SKAP2: variants seen among roughly 807,000 people sequenced by gnomAD.
SKAP2 encodes the protein src kinase associated phosphoprotein 2.
In SKAP2, 28 loss-of-function variants were observed where a neutral mutation model predicts 54.9. The ratio of observed to expected loss-of-function variants is 0.51; its 90% confidence interval spans 0.38 to 0.70. SKAP2 has a LOEUF of 0.70. Among genes scored for constraint, SKAP2 ranks in the 30% least tolerant of loss-of-function variants. The pLI, the probability that SKAP2 is intolerant of heterozygous loss-of-function variation, is 0.00. For synonymous variants in SKAP2, 137 were observed against 134.3 expected (o/e 1.02, Z -0.14); for missense variants, 356 against 424.1 (o/e 0.84, Z 1.41).
At chr7:26,714,504 C>T (rs1270404474) in intron 9 of SKAP2, among the ~76,000 whole-genome samples, 1 of 152,062 alleles carries the variant, frequency 6.6e-6, no homozygotes, top group Non-Finnish European at 1.5e-5. Context: ...TGGATTTTTT[C>T]CCATTTTGTT....
At chr7:26,815,544 C>T (rs1784248150) in intron 4 of SKAP2, among the ~76,000 whole-genome samples, 1 of 152,062 alleles carries the variant, frequency 6.6e-6, no homozygotes, top group Non-Finnish European at 1.5e-5. Context: ...CAGTAACAGC[C>T]ACAAAGAACC....
intron 11 of SKAP2, among the ~76,000 whole-genome samples, chr7:26,681,807 T>A (rs1264991773): frequency 1.3e-5 from 2 of 152,260 alleles, no homozygotes; most frequent in Non-Finnish European, 2.9e-5. Flanking sequence ...TTAAAATGTA[T>A]TCTTCCTTAT....
chr7:26,737,264 G>A (rs1270379073), intron 6 of SKAP2, among the ~76,000 whole-genome samples: 1 of 152,096 alleles, frequency 6.6e-6, no homozygotes, highest in Non-Finnish European at 1.5e-5. Flanking sequence ...TGTGATAATC[G>A]TAACTGAACT....
At chr7:26,684,896 C>A (rs767418751) in intron 10 of SKAP2, 48 bp from the exon 11 acceptor site, 3 of 1,047,570 alleles carry the variant, frequency 2.9e-6, no homozygotes, top group Non-Finnish European at 4.4e-6. Flanking sequence ...CATGTAATAA[C>A]CCCTCATTTC....
At chr7:26,732,742 T>G (rs1428942085) in intron 6 of SKAP2, among the ~76,000 whole-genome samples, 3 of 152,198 alleles carry the variant, frequency 2.0e-5, no homozygotes, top group African/African-American at 7.2e-5. Context: ...ACATTCTCCT[T>G]TGGTTTATAC....
intron 3 of SKAP2, among the ~76,000 whole-genome samples, chr7:26,851,312 A>G (rs1785036723): frequency 6.6e-6 from 1 of 151,124 alleles, no homozygotes; most frequent in Non-Finnish European, 1.5e-5. Flanking sequence ...CTATAGTTCC[A>G]TCTACTATAT....
Position 26,748,916 on chromosome 7 carries a change from C to T in SKAP2, c.308-8952G>A, listed in dbSNP as rs112751838. On this transcript the variant is annotated intron_variant, in intron 4 of 12. Transcript: ENST00000345317. Reference sequence around the variant, plus strand: ...ACCAGCTCTGTGACTTAGCAAGTCACTTGATTTCATTAAGCTTTAGTTTTC... The same window carrying T: ...ACCAGCTCTGTGACTTAGCAAGTCATTTGATTTCATTAAGCTTTAGTTTTC... Among the ~76,000 whole-genome samples, 75 of 152,180 alleles carry T rather than the reference C, an allele frequency of 4.9e-4. 1 individual carries two copies. Among genetic ancestry groups the T allele is most frequent in the African/African-American group, 1.8e-3 (74 of 41,550 alleles).
At chr7:26,804,387 G>T (rs1373827853) in intron 4 of SKAP2, among the ~76,000 whole-genome samples, 1 of 152,056 alleles carries the variant, frequency 6.6e-6, no homozygotes, top group African/African-American at 2.4e-5. Context: ...AAGCAAAGAA[G>T]AAATATTTAT....
At chr7:26,821,834 G>C (rs997377426) in intron 4 of SKAP2, among the ~76,000 whole-genome samples, 1 of 151,984 alleles carries the variant, frequency 6.6e-6, no homozygotes, top group African/African-American at 2.4e-5. Flanking sequence ...CCTACACTCC[G>C]GTTCTTCCCA....
intron 11 of SKAP2, among the ~76,000 whole-genome samples, chr7:26,677,891 C>T (rs1786387062): frequency 6.6e-6 from 1 of 152,202 alleles, no homozygotes; most frequent in Non-Finnish European, 1.5e-5. Context: ...GTAAAAGATA[C>T]TGTCAATAAC....
At chr7:26,858,970 C>A (rs1431796300) in intron 1 of SKAP2, among the ~76,000 whole-genome samples, 1 of 152,126 alleles carries the variant, frequency 6.6e-6, no homozygotes, top group Non-Finnish European at 1.5e-5. Flanking sequence ...GTCCTCCAAC[C>A]ACCCAATACC....
intron 9 of SKAP2, among the ~76,000 whole-genome samples, chr7:26,722,239 G>A (rs897548019): frequency 1.7e-4 from 26 of 152,032 alleles, no homozygotes; most frequent in African/African-American, 6.3e-4. Context: ...ATTCCTTTAC[G>A]AAGTTAGTTA....
chr7:26,757,701 T>A (rs1782825913), intron 4 of SKAP2, among the ~76,000 whole-genome samples: 1 of 152,200 alleles, frequency 6.6e-6, no homozygotes, highest in African/African-American at 2.4e-5. Context: ...TTTTTTCCAA[T>A]TCTGTGAAGA....
At chr7:26,803,122 A>G (rs1276857396) in intron 4 of SKAP2, among the ~76,000 whole-genome samples, 1 of 152,148 alleles carries the variant, frequency 6.6e-6, no homozygotes, top group Non-Finnish European at 1.5e-5. Context: ...GACAAATGGG[A>G]TCACATCAAG....
intron 4 of SKAP2, among the ~76,000 whole-genome samples, chr7:26,758,636 C>G (rs1349951819): frequency 1.3e-5 from 2 of 152,132 alleles, no homozygotes; most frequent in African/African-American, 4.8e-5. Context: ...AGATACAACT[C>G]AACTCACTGA....
At chr7:26,708,697 T>C (rs1316133234) in intron 9 of SKAP2, among the ~76,000 whole-genome samples, 3 of 152,238 alleles carry the variant, frequency 2.0e-5, no homozygotes, top group Admixed American at 2.0e-4. Context: ...TCTCATTTAC[T>C]GCCATAGACT....
Position 26,738,740 on chromosome 7 carries a change from GATGGCCAAA to G in SKAP2, c.469+46_469+54del, listed in dbSNP as rs1479956670. 1.2e-5 allele frequency: 12 copies of G among 961,408 alleles called. 1 individual carries two copies. The African/African-American group carries it at 1.4e-4, about 11-fold the overall frequency. The allele number at this position is 961,408 out of a possible 1,614,324, so 59.6% of individuals were successfully genotyped here. On this transcript the variant is annotated intron_variant, in intron 6 of 12. Transcript: ENST00000345317. ...CTCTGTACTCAAAAGAGGGGGAAGGGATGGCCAAAAATTCTTTTGCAATAGTAGTTGATA... is the reference window on the plus strand; with the variant it reads ...CTCTGTACTCAAAAGAGGGGGAAGGGAATTCTTTTGCAATAGTAGTTGATA...
intron 4 of SKAP2, among the ~76,000 whole-genome samples, chr7:26,821,699 A>C (rs1280604123): frequency 6.6e-6 from 1 of 152,132 alleles, no homozygotes; most frequent in East Asian, 1.9e-4. Flanking sequence ...CTTTCTTTAT[A>C]GATAATATCA....
At chr7:26,806,182 C>G (rs1784020783) in intron 4 of SKAP2, among the ~76,000 whole-genome samples, 1 of 152,100 alleles carries the variant, frequency 6.6e-6, no homozygotes, top group African/African-American at 2.4e-5. Context: ...TTCCCTGAGA[C>G]ATAACAATAT....
Sources: allele counts gnomAD v4.1 joint callset (sites outside exome capture counted in the v4.1 genomes callset), GRCh38; gene constraint gnomAD v4.1.1; transcripts MANE v1.5; gene names NCBI Gene and HGNC (gene_info 2026-07-23, HGNC 2026-07-21).